Variants in SPTBN1 observed in about 807,000 individuals in gnomAD.
SPTBN1 encodes the protein spectrin beta, non-erythrocytic 1.
In SPTBN1, 32 loss-of-function variants were observed where a neutral mutation model predicts 266.4. The ratio of observed to expected loss-of-function variants is 0.12; its 90% CI spans 0.09 to 0.16. The LOEUF (loss-of-function observed/expected upper bound fraction) is 0.16. Among genes scored for constraint, SPTBN1 ranks in the 10% least tolerant of loss-of-function variants. The pLI is 1.00. For synonymous variants in SPTBN1, 1,336 were observed against 1,162.2 expected (o/e 1.15, Z -3.04); for missense variants, 2,296 against 3,067.1 (o/e 0.75, Z 5.94).
intron 2 of SPTBN1, among the ~76,000 whole-genome samples, chr2:54,598,250 A>G (rs1002243463): frequency 6.6e-6 from 1 of 152,234 alleles, no homozygotes; most frequent in Non-Finnish European, 1.5e-5. Flanking sequence ...ATGTACAACA[A>G]TCACGCTTTA....
chr2:54,651,499 G>A (rs1173631986), intron 26 of SPTBN1, among the ~76,000 whole-genome samples: 6 of 152,216 alleles, frequency 3.9e-5, no homozygotes. Context: ...AGTACATGGT[G>A]CTTCTTCTTT....
chr2:54,502,652 C>G (rs1345049233), intron 1 of SPTBN1, among the ~76,000 whole-genome samples: 1 of 152,156 alleles, frequency 6.6e-6, no homozygotes, highest in Admixed American at 6.5e-5. Flanking sequence ...CATGGAAAAT[C>G]CAAGTGCAAA....
intron 2 of SPTBN1, among the ~76,000 whole-genome samples, chr2:54,550,532 C>A (rs1672509074): frequency 6.6e-6 from 1 of 152,174 alleles, no homozygotes; most frequent in Non-Finnish European, 1.5e-5. Context: ...GTTAGAATGG[C>A]ACATGTCAGC....
chr2:54,492,283 G>A (rs1668724346), intron 1 of SPTBN1, among the ~76,000 whole-genome samples: 1 of 147,288 alleles, frequency 6.8e-6, no homozygotes, highest in South Asian at 2.1e-4. Context: ...TAAAGTAGGT[G>A]TACCCTATTT....
intron 16 of SPTBN1, 107 bp downstream of exon 16, chr2:54,631,718 A>G: frequency 7.2e-7 from 1 of 1,383,966 alleles, no homozygotes; most frequent in South Asian, 1.4e-5. Flanking sequence ...GTATGGAATT[A>G]TATGGATAAT....
chr2:54,633,055 C>T (rs896335541), intron 17 of SPTBN1, among the ~76,000 whole-genome samples: 6 of 152,130 alleles, frequency 3.9e-5, no homozygotes, highest in African/African-American at 1.2e-4. Context: ...TGCTGCATCG[C>T]GATCAGGTGT....
rs763987042 is a variant in SPTBN1, at chr2:54,630,855, G to C, written c.2808G>C (p.Arg936Ser). 1 of 1,577,700 alleles carries C rather than the reference G, an allele frequency of 6.3e-7. No individual in the cohort carries two copies. The highest frequency in any genetic ancestry group is 1.7e-5 in the Admixed American group (1 of 57,460). Residue 936 changes from arginine to serine, a missense_variant and splice_region_variant, in exon 16 of 36, where the codon AGG becomes AGC. By Grantham distance (110) the Arg-to-Ser change is moderately radical. This residue lies in a region of SPTBN1 where 128 missense variants were observed against 176.5 expected (regional missense o/e 0.73). Coordinates refer to ENST00000356805, the MANE Select transcript of SPTBN1 (RefSeq NM_003128.3). ...IKAQQDKLNT[R>S]WSQFRELVDR... ...TCGCTGTCTGCCCCTGCACTCACAG[G>C]TGGAGCCAGTTCAGAGAACTGGTTG... is the stretch of plus-strand genomic sequence containing the variant.
chr2:54,489,152 A>T (rs1485066531), intron 1 of SPTBN1, among the ~76,000 whole-genome samples: 2,262 of 18,826 alleles, frequency 0.12, 22 homozygotes, highest in Middle Eastern at 0.34. Context: ...GTCTGTATTT[A>T]AAAAAAAAAA....
intron 17 of SPTBN1, among the ~76,000 whole-genome samples, chr2:54,633,408 CGTGTGT>C (rs370440106): frequency 1.2e-4 from 18 of 146,688 alleles, no homozygotes; most frequent in African/African-American, 2.5e-5. Context: ...TTTTTATTTA[CGTGTGT>C]GTGTGTGTGT....
At chr2:54,532,060 C>G (rs1404109492) in intron 2 of SPTBN1, among the ~76,000 whole-genome samples, 1 of 152,112 alleles carries the variant, frequency 6.6e-6, no homozygotes. Context: ...GAGGCCGAGG[C>G]TGGTGGATCA....
At chr2:54,635,458 C>CT (rs1178882785) in intron 17 of SPTBN1, among the ~76,000 whole-genome samples, 1 of 152,236 alleles carries the variant, frequency 6.6e-6, no homozygotes, top group East Asian at 1.9e-4. Flanking sequence ...ATCCTTGCCT[C>CT]TTTCTTCCCA....
At chr2:54,564,336 G>C (rs996527357) in intron 2 of SPTBN1, among the ~76,000 whole-genome samples, 1 of 152,136 alleles carries the variant, frequency 6.6e-6, no homozygotes, top group Non-Finnish European at 1.5e-5. Flanking sequence ...AAGCTTTCTG[G>C]ATGATGGTTC....
chr2:54,512,875 G>A (rs1171676419), intron 1 of SPTBN1, among the ~76,000 whole-genome samples: 1 of 152,154 alleles, frequency 6.6e-6, no homozygotes, highest in East Asian at 1.9e-4. Context: ...CTATGGCTTA[G>A]GTGCCATGCT....
At chr2:54,491,594 T>G (rs1055106105) in intron 1 of SPTBN1, among the ~76,000 whole-genome samples, 1 of 152,176 alleles carries the variant, frequency 6.6e-6, no homozygotes, top group African/African-American at 2.4e-5. Flanking sequence ...TTACTTCTAA[T>G]TTCTCTCTCT....
At chr2:54,609,967 C>T (rs572300095) in intron 3 of SPTBN1, among the ~76,000 whole-genome samples, 1 of 151,838 alleles carries the variant, frequency 6.6e-6, no homozygotes, top group South Asian at 2.1e-4. Context: ...TAGAGTTAGC[C>T]TATCCCTTTA....
intron 3 of SPTBN1, among the ~76,000 whole-genome samples, chr2:54,610,446 G>A (rs1372412755): frequency 6.6e-6 from 1 of 151,798 alleles, no homozygotes; most frequent in African/African-American, 2.4e-5. Context: ...TATTTATTTT[G>A]TAGAGACGGG....
At chr2:54,667,566 A>T in intron 34 of SPTBN1, 38 bp from the exon 35 acceptor site, 1 of 1,600,762 alleles carries the variant, frequency 6.2e-7, no homozygotes, top group Non-Finnish European at 8.6e-7. Context: ...ATTTCTCTGT[A>T]ATTAAGTGGT....
rs200826616 is a variant in SPTBN1 at position 54,629,581 on chromosome 2, A to T, written c.2447A>T (p.Glu816Val). ...AGCGCCCTCCCCCAGGAGCATGCCG[A>T]GTCTCCAGACGTGAGGGGCAGGCTG... ...QASALPQEHAESPDVRGRLSG... is the reference protein window; with the variant it reads ...QASALPQEHAVSPDVRGRLSG... The change falls in exon 14 of 36, where the codon GAG becomes GTG. Residue 816 changes from glutamate to valine, a missense_variant. Glu to Val is a moderately radical substitution (Grantham distance 121). Coordinates refer to ENST00000356805, the MANE Select transcript of SPTBN1 (RefSeq NM_003128.3). 5.6e-6 allele frequency: 9 copies of T among 1,614,040 alleles called. No individual in the cohort carries two copies. In the Admixed American group the frequency reaches 1.2e-4, roughly 21 times the overall value.
chr2:54,537,074 T>G (rs1369477491), intron 2 of SPTBN1, among the ~76,000 whole-genome samples: 1 of 152,140 alleles, frequency 6.6e-6, no homozygotes, highest in Non-Finnish European at 1.5e-5. Context: ...ATTACAAAGT[T>G]TCATGCAAAT....
Sources: allele counts gnomAD v4.1 joint callset (sites outside exome capture counted in the v4.1 genomes callset), GRCh38; gene constraint gnomAD v4.1.1; regional missense constraint gnomAD v4.1.1; transcripts MANE v1.5; gene names NCBI Gene and HGNC (gene_info 2026-07-23, HGNC 2026-07-21).